Variants in TRIM24 observed in about 807,000 individuals in gnomAD.
TRIM24 encodes the protein transcription intermediary factor 1-alpha.
In TRIM24, 29 loss-of-function variants were observed where a neutral mutation model predicts 123.9. That is an observed-to-expected ratio of 0.23 (90% CI 0.17 to 0.32). The LOEUF is 0.32. Among genes scored for constraint, TRIM24 ranks in the 10% least tolerant of loss-of-function variants. TRIM24 has a pLI of 1.00. For synonymous variants in TRIM24, 456 were observed against 461.1 expected (o/e 0.99, Z 0.14); for missense variants, 932 against 1,295.3 (o/e 0.72, Z 4.31).
chr7:138,501,243 A>T (rs1179833061), intron 1 of TRIM24, among the ~76,000 whole-genome samples: 5 of 151,682 alleles, frequency 3.3e-5, no homozygotes, highest in African/African-American at 7.3e-5. Flanking sequence ...TTATTTATTT[A>T]TTTTTTTTGA....
chr7:138,578,998 A>G (rs995773173), intron 14 of TRIM24, among the ~76,000 whole-genome samples: 1 of 148,404 alleles, frequency 6.7e-6, no homozygotes, highest in Non-Finnish European at 1.5e-5. Flanking sequence ...AGCCATCCCC[A>G]GACTTAGATT....
chr7:138,543,174 A>G (rs764621946), intron 7 of TRIM24, among the ~76,000 whole-genome samples: 3 of 152,250 alleles, frequency 2.0e-5, no homozygotes, highest in Non-Finnish European at 2.9e-5. Flanking sequence ...AAATAAAAAT[A>G]GATGGGATAA....
intron 5 of TRIM24, among the ~76,000 whole-genome samples, chr7:138,528,784 C>G (rs1251766133): frequency 8.9e-5 from 1 of 11,246 alleles, no homozygotes; most frequent in Non-Finnish European, 1.4e-4. Flanking sequence ...TCCACCCCCA[C>G]CCCCCCCCCC....
At chr7:138,549,652 C>T (rs1423303392) in intron 7 of TRIM24, among the ~76,000 whole-genome samples, 2 of 152,052 alleles carry the variant, frequency 1.3e-5, no homozygotes, top group Admixed American at 6.6e-5. Context: ...AGACGGTAAA[C>T]CTAGAGGAGT....
chr7:138,503,178 G>A (rs1796078248), intron 1 of TRIM24, among the ~76,000 whole-genome samples: 1 of 151,870 alleles, frequency 6.6e-6, no homozygotes, highest in Non-Finnish European at 1.5e-5. Context: ...CATTTTAATT[G>A]TTACAGCTTT....
intron 4 of TRIM24, among the ~76,000 whole-genome samples, chr7:138,524,305 T>A (rs1034652010): frequency 5.3e-5 from 8 of 152,166 alleles, no homozygotes; most frequent in Non-Finnish European, 8.8e-5. Flanking sequence ...GCATTGAGAT[T>A]AGGAACAACA....
Position 138,585,970 on chromosome 7 carries a change from G to GAGC in TRIM24, c.*1022_*1024dup. On this transcript the variant is annotated 3_prime_UTR_variant, in exon 19 of 19. Coordinates refer to ENST00000343526, the MANE Select transcript of TRIM24 (RefSeq NM_015905.3). Reference sequence around the variant, plus strand: ...ATGAAAATGTGTTGTAGGATTTTGGGAGCAGGCAGCTGGGGGGAATTAATA... The same window carrying GAGC: ...ATGAAAATGTGTTGTAGGATTTTGGGAGCAGCAGGCAGCTGGGGGGAATTAATA... 1 of 501,962 alleles carries GAGC rather than the reference G, an allele frequency of 2.0e-6. No homozygotes were observed. Among genetic ancestry groups the GAGC allele is most frequent in the Non-Finnish European group, 4.0e-6 (1 of 248,380 alleles). The allele number at this position is 501,962 out of a possible 1,614,324, so 31.1% of individuals were successfully genotyped here.
At position 138,508,708 on chromosome 7, in the gene TRIM24, C is replaced by CGCGTGTGTGCGTGTGTGTGTGTGCGT. The variant is rs139423741; in HGVS notation, c.483+4301_483+4302insCGTGTGTGCGTGTGTGTGTGTGCGTG. Among the ~76,000 whole-genome samples, 548 of 136,220 alleles carry CGCGTGTGTGCGTGTGTGTGTGTGCGT rather than the reference C, an allele frequency of 4.0e-3. 5 individuals carry two copies. The highest frequency in any genetic ancestry group is 6.7e-3 in the Non-Finnish European group (424 of 63,028). The allele number at this position is 136,220 out of a possible 152,430, so 89.4% of individuals were successfully genotyped here. A position where few individuals can be genotyped will look rare whatever the true frequency, so the allele number is the denominator to read the frequency against. ...GTGTGTGTGTGCGCGCGCGTGTGTG[C>CGCGTGTGTGCGTGTGTGTGTGTGCGT]GTGTGTGTGTGCGTGTGTGTGTGTG... On this transcript the variant is annotated intron_variant, in intron 2 of 18. Coordinates refer to ENST00000343526, the MANE Select transcript of TRIM24 (RefSeq NM_015905.3).
intron 7 of TRIM24, chr7:138,545,626 G>A (rs947643810): frequency 2.4e-6 from 1 of 422,880 alleles, no homozygotes; most frequent in Non-Finnish European, 4.8e-6. Flanking sequence ...ATGTGTGTAT[G>A]TATTCGTTGT....
chr7:138,577,860 A>ATTGAC (rs1797794789), intron 14 of TRIM24, among the ~76,000 whole-genome samples: 3 of 152,308 alleles, frequency 2.0e-5, no homozygotes, highest in South Asian at 4.2e-4. Context: ...TATCAATCAG[A>ATTGAC]TTGACTTGAA....
At chr7:138,510,301 A>C (rs968875689) in intron 2 of TRIM24, among the ~76,000 whole-genome samples, 2 of 152,240 alleles carry the variant, frequency 1.3e-5, no homozygotes, top group Non-Finnish European at 2.9e-5. Context: ...GTTGGAGCTG[A>C]AAATAGAAGT....
In TRIM24 at chr7:138,579,938, G is replaced by GA. The variant is rs911622036; in HGVS notation, c.2585+415dup. ...ACCCTCTCCCTAGTCATTACAAAAA[G>GA]AAAAAAAAATAACAGGCCCTTTAAA... On this transcript the variant is annotated intron_variant, in intron 15 of 18. Transcript: ENST00000343526. Among the ~76,000 whole-genome samples, 30 of 150,106 alleles carry GA rather than the reference G, an allele frequency of 2.0e-4. 1 individual carries two copies. The highest frequency in any genetic ancestry group is 6.0e-4 in the Admixed American group (9 of 15,092).
chr7:138,497,901 C>T (rs1795948662), intron 1 of TRIM24, among the ~76,000 whole-genome samples: 1 of 152,120 alleles, frequency 6.6e-6, no homozygotes, highest in Non-Finnish European at 1.5e-5. Flanking sequence ...CCATGTTGTC[C>T]ATGCTGGTCT....
chr7:138,537,423 T>G (rs1796913902), intron 6 of TRIM24, among the ~76,000 whole-genome samples: 1 of 134,866 alleles, frequency 7.4e-6, no homozygotes, highest in Non-Finnish European at 1.5e-5. Context: ...AGACGTGGTC[T>G]CACTATGTTG....
Position 138,578,024 on chromosome 7 carries a change from A to G in TRIM24, c.2256+436A>G, listed in dbSNP as rs184587353. ...GGAATCTGACACAGAAGAAAAAGGC[A>G]ACCCCCAGTACAGCAGCAGCAGCAG... On this transcript the variant is annotated intron_variant, in intron 14 of 18. Transcript: ENST00000343526. Among the ~76,000 whole-genome samples the G allele has an allele frequency of 1.1e-4, 16 of 152,284 alleles. No homozygotes were observed. In the East Asian group the frequency reaches 3.1e-3, roughly 29 times the overall value.
intron 1 of TRIM24, chr7:138,490,842 A>G: frequency 2.2e-6 from 1 of 461,288 alleles, no homozygotes; most frequent in South Asian, 1.7e-5. Context: ...ATTTGTCTGT[A>G]CCTGTCAGGT....
chr7:138,505,263 C>T (rs1796126923), intron 2 of TRIM24, among the ~76,000 whole-genome samples: 1 of 152,178 alleles, frequency 6.6e-6, no homozygotes, highest in Non-Finnish European at 1.5e-5. Flanking sequence ...ATTCCAGTCT[C>T]CTCCAGAGAA....
At chr7:138,486,568 T>G (rs1406070634) in intron 1 of TRIM24, among the ~76,000 whole-genome samples, 1 of 152,220 alleles carries the variant, frequency 6.6e-6, no homozygotes, top group Non-Finnish European at 1.5e-5. Flanking sequence ...TAGCCAGTGT[T>G]CCCAAAACCA....
intron 2 of TRIM24, among the ~76,000 whole-genome samples, chr7:138,512,471 C>G (rs531985540): frequency 6.6e-6 from 1 of 152,250 alleles, no homozygotes; most frequent in South Asian, 2.1e-4. Flanking sequence ...CCAGGCCTTT[C>G]CATAAATCTT....
Sources: gnomAD v4.1 joint callset for allele counts (sites outside exome capture counted in the v4.1 genomes callset) on GRCh38, gnomAD v4.1.1 for gene constraint, MANE v1.5 for transcripts, NCBI Gene and HGNC (gene_info 2026-07-23, HGNC 2026-07-21) for gene names.